The following COPS2 variants were observed in gnomAD, a reference collection of about 807,000 sequenced individuals.
COPS2 encodes the protein COP9 signalosome complex subunit 2.
COPS2 carries 10 observed loss-of-function variants against 66.1 expected under a neutral mutation model. The ratio of observed to expected loss-of-function variants is 0.15; its 90% confidence interval spans 0.09 to 0.26. The LOEUF (loss-of-function observed/expected upper bound fraction) is 0.26. Among genes scored for constraint, COPS2 ranks in the 10% least tolerant of loss-of-function variants. COPS2 has a pLI of 1.00. For synonymous variants in COPS2, 179 were observed against 171.3 expected, an observed-to-expected ratio of 1.04 and a Z score of -0.35; for missense variants, 215 against 513.3, an observed-to-expected ratio of 0.42 and a Z score of 5.62.
At chr15:49,153,320 A>G (rs767052617) in intron 1 of COPS2, among the ~76,000 whole-genome samples, 2 of 65,774 alleles carry the variant, frequency 3.0e-5, no homozygotes, top group Non-Finnish European at 7.0e-5. Context: ...CACATACATG[A>G]AAAAAAAAAA....
At chr15:49,139,874 A>G (rs897356047) in intron 3 of COPS2, among the ~76,000 whole-genome samples, 5 of 152,242 alleles carry the variant, frequency 3.3e-5, no homozygotes, top group African/African-American at 4.8e-5. Context: ...TTAGCTTATG[A>G]AACAAGTACA....
intron 1 of COPS2, among the ~76,000 whole-genome samples, chr15:49,154,176 AC>A (rs1468576335): frequency 6.6e-6 from 1 of 152,188 alleles, no homozygotes; most frequent in African/African-American, 2.4e-5. Context: ...TTAAAAAAAT[AC>A]AAGCACATAT....
chr15:49,154,838 G>A (rs1172770378), intron 1 of COPS2, among the ~76,000 whole-genome samples: 1 of 152,100 alleles, frequency 6.6e-6, no homozygotes, highest in African/African-American at 2.4e-5. Flanking sequence ...AAAAGCCATG[G>A]GTTCAATTAT....
Position 49,144,960 on chromosome 15 carries a change from T to C in COPS2, c.168+5A>G, listed in dbSNP as rs112589998. 6.4e-5 allele frequency: 96 copies of C among 1,509,232 alleles called. 1 individual carries two copies. The African/African-American group carries it at 8.3e-4, about 13-fold the overall frequency. The allele number at this position is 1,509,232 out of a possible 1,614,324, so 93.5% of individuals were successfully genotyped here. ...ACATAGAATCAAATGGAAAAGAATA[T>C]AAACCTTTTGGAAACTGCTTAATGC... On this transcript the variant is annotated splice_donor_5th_base_variant and intron_variant, in intron 2 of 12. Coordinates refer to ENST00000388901, the MANE Select transcript of COPS2 (RefSeq NM_004236.4).
intron 1 of COPS2, among the ~76,000 whole-genome samples, chr15:49,150,099 C>T (rs376770886): frequency 4.6e-4 from 70 of 151,746 alleles, no homozygotes; most frequent in African/African-American, 1.7e-3. Flanking sequence ...ACCAGCCTGA[C>T]CAACATGGAG....
intron 8 of COPS2, 59 bp from the exon 9 acceptor site, chr15:49,133,870 A>C (rs2084233558): frequency 6.5e-7 from 1 of 1,545,570 alleles, no homozygotes; most frequent in African/African-American, 1.4e-5. Context: ...TTTTAAAAAA[A>C]GAAATAACAT....
At position 49,136,147 on chromosome 15, in the gene COPS2, AT is replaced by A. The variant is rs557415328; in HGVS notation, c.540+1002del. Among the ~76,000 whole-genome samples the A allele has an allele frequency of 1.3e-3, 197 of 152,096 alleles. 3 individuals carry two copies. The highest frequency in any genetic ancestry group is 0.011 in the Admixed American group (172 of 15,296). On this transcript the variant is annotated intron_variant, in intron 6 of 12. Coordinates refer to ENST00000388901, the MANE Select transcript of COPS2 (RefSeq NM_004236.4). ...TTAATCGTTTCTCCCATTCACAGAA[AT>A]GACACATATATCATTAAAATAATAC...
Position 49,155,568 on chromosome 15 carries a change from A to C in COPS2, c.11T>G (p.Met4Arg). Reference protein sequence around the residue: MSDMEDDFMCDDEE... With the variant: MSDREDDFMCDDEE... Reference sequence around the variant, plus strand: ...ATCATCGCACATGAAATCATCCTCCATGTCAGACATCTTGGCCGGGAGGGG... The same window carrying C: ...ATCATCGCACATGAAATCATCCTCCCTGTCAGACATCTTGGCCGGGAGGGG... Residue 4 changes from methionine (M) to arginine (R), a missense_variant, in exon 1 of 13, where the codon ATG (methionine) becomes AGG (arginine). Physicochemically the swap from Met to Arg is moderately conservative, Grantham distance 91. Transcript: ENST00000388901. 1 of 1,613,838 alleles carries C rather than the reference A, an allele frequency of 6.2e-7. No individual in the cohort carries two copies. The highest frequency in any genetic ancestry group is 8.5e-7 in the Non-Finnish European group (1 of 1,179,822).
chr15:49,142,034 T>C (rs1483123635), intron 3 of COPS2, among the ~76,000 whole-genome samples: 3 of 152,168 alleles, frequency 2.0e-5, no homozygotes, highest in African/African-American at 4.8e-5. Flanking sequence ...CAAATTTCTG[T>C]CCCTTGAAAC....
In COPS2 at chr15:49,132,690, T is replaced by G. The variant is rs374771185; in HGVS notation, c.947+1069A>C. Among the ~76,000 whole-genome samples, 159 of 152,116 alleles carry G rather than the reference T, an allele frequency of 1.0e-3. 1 individual carries two copies. The highest frequency in any genetic ancestry group is 3.8e-3 in the African/African-American group (156 of 41,522). On this transcript the variant is annotated intron_variant, in intron 9 of 12. Transcript: ENST00000388901. ...ACTTGAAGAAATTTAGTAAATTTCT[T>G]ATACTTTTTTAATGAATAAAACCCA...
chr15:49,123,096 A>C lies in COPS2; in HGVS notation c.*4854T>G, dbSNP rs555410827. ...ATTTTAATTTTCTTCAGTGTTATTT[A>C]AAATAGATGCATAAAAATTTATTAC... is the stretch of plus-strand genomic sequence containing the variant. On this transcript the variant is annotated 3_prime_UTR_variant, in exon 13 of 13. Coordinates refer to ENST00000388901, the MANE Select transcript of COPS2 (RefSeq NM_004236.4). 1.3e-5 allele frequency: 2 copies of C among 152,302 alleles called. No individual in the cohort carries two copies. The highest frequency in any genetic ancestry group is 2.1e-4 in the South Asian group (1 of 4,822). The allele number at this position is 152,302 out of a possible 1,614,324, so 9.4% of individuals were successfully genotyped here. A position where few individuals can be genotyped will look rare whatever the true frequency, so the allele number is the denominator to read the frequency against.
At position 49,155,585 on chromosome 15, in the gene COPS2, C is replaced by CGGG; in HGVS notation, c.-10_-8dup. On this transcript the variant is annotated 5_prime_UTR_variant, in exon 1 of 13. Transcript: ENST00000388901. ...CATCCTCCATGTCAGACATCTTGGCCGGGAGGGGGAGGAGAAATTGGAGAC... is the reference window on the plus strand; with the variant it reads ...CATCCTCCATGTCAGACATCTTGGCCGGGGGGAGGGGGAGGAGAAATTGGAGAC... The CGGG allele has an allele frequency of 6.2e-7, 1 of 1,614,022 alleles. No homozygotes were observed. Among genetic ancestry groups the CGGG allele is most frequent in the Non-Finnish European group, 8.5e-7 (1 of 1,179,910 alleles).
intron 9 of COPS2, among the ~76,000 whole-genome samples, chr15:49,132,696 T>G (rs2084220679): frequency 6.6e-6 from 1 of 152,036 alleles, no homozygotes; most frequent in African/African-American, 2.4e-5. Flanking sequence ...TTCTTATACT[T>G]TTTTAATGAA....
chr15:49,133,771 G>A lies in COPS2; in HGVS notation c.935C>T (p.Thr312Met). ...YKNDPEILAM[T>M]NLVSAYQNND... ...TACAAAATCTTACCTTACTAAATTC[G>A]TCATTGCTAAAATTTCTGGATCATT... Residue 312 changes from threonine (T) to methionine (M), a missense_variant, in exon 9 of 13, where the codon ACG (threonine) becomes ATG (methionine). Physicochemically the swap from Thr to Met is moderately conservative, Grantham distance 81 (BLOSUM62 -1). This residue lies in a region of COPS2 where 56 missense variants were observed against 173.6 expected (regional missense o/e 0.32). Transcript: ENST00000388901. 2 of 1,599,854 alleles carry A rather than the reference G, an allele frequency of 1.3e-6. No individual in the cohort carries two copies. The highest frequency in any genetic ancestry group is 1.7e-6 in the Non-Finnish European group (2 of 1,174,232).
chr15:49,131,538 C>T (rs1316392762), intron 9 of COPS2, among the ~76,000 whole-genome samples: 1 of 151,832 alleles, frequency 6.6e-6, no homozygotes, highest in Non-Finnish European at 1.5e-5. Flanking sequence ...AAGACATTAT[C>T]ATCAGCTATA....
intron 1 of COPS2, among the ~76,000 whole-genome samples, chr15:49,150,462 A>G (rs2084352465): frequency 6.6e-6 from 1 of 152,078 alleles, no homozygotes. Context: ...CTTTCTACTG[A>G]TCTTTTTATT....
In COPS2 at chr15:49,128,046, A is replaced by G. The variant is rs751003512; in HGVS notation, c.1236T>C (p.Asp412=). 1 of 1,613,962 alleles carries G rather than the reference A, an allele frequency of 6.2e-7. No homozygotes were observed. Among genetic ancestry groups the G allele is most frequent in the South Asian group, 1.1e-5 (1 of 91,068 alleles). The change falls in exon 13 of 13, where the codon GAT becomes GAC. Residue 412 remains aspartate, a synonymous_variant. Coordinates refer to ENST00000388901, the MANE Select transcript of COPS2 (RefSeq NM_004236.4). ...ATCGTGCACCACCCCTCTTCTGATGATCCAGTTCAAGGAGTTGGTTGACTT... is the reference window on the plus strand; with the variant it reads ...ATCGTGCACCACCCCTCTTCTGATGGTCCAGTTCAAGGAGTTGGTTGACTT... ...IDQVNQLLEL[D]HQKRGGARYT...
intron 7 of COPS2, 98 bp downstream of exon 7, chr15:49,134,242 G>C: frequency 7.1e-7 from 1 of 1,401,122 alleles, no homozygotes; most frequent in Non-Finnish European, 9.8e-7. Context: ...AATACTACTG[G>C]CCCCAAGGTA....
Position 49,147,996 on chromosome 15 carries a change from G to A in COPS2, c.55-2918C>T, listed in dbSNP as rs944586875. Among the ~76,000 whole-genome samples the A allele has an allele frequency of 5.9e-5, 9 of 152,242 alleles. No individual in the cohort carries two copies. The Middle Eastern group carries it at 0.014, about 230-fold the overall frequency. ...TCTGCAACGCCATGTTCGTAGGCTT[G>A]AACCAGCCATCATGACATCACTAAC... On this transcript the variant is annotated intron_variant, in intron 1 of 12. Coordinates refer to ENST00000388901, the MANE Select transcript of COPS2 (RefSeq NM_004236.4).
Sources: gnomAD v4.1 joint callset for allele counts (sites outside exome capture counted in the v4.1 genomes callset) on GRCh38, gnomAD v4.1.1 for gene constraint, gnomAD v4.1.1 regional missense constraint, MANE v1.5 for transcripts, NCBI Gene and HGNC (gene_info 2026-07-23, HGNC 2026-07-21) for gene names.